Variants in LAMA2 observed in about 807,000 individuals in gnomAD.
LAMA2 encodes laminin subunit alpha 2.
LAMA2 carries 269 observed loss-of-function variants against 364.8 expected under a neutral mutation model. The observed-to-expected ratio is 0.74, with a 90% CI of 0.67 to 0.82. LAMA2 has a LOEUF of 0.82. Ranked by LOEUF, LAMA2 falls within the 40% of genes least tolerant of loss-of-function variation. LAMA2 has a pLI of 0.00. For missense variants in LAMA2, 3,807 were observed against 3,873.2 expected (o/e 0.98, Z 0.45); for synonymous variants, 1,379 against 1,370.6 (o/e 1.01, Z -0.14).
intron 7 of LAMA2, among the ~76,000 whole-genome samples, chr6:129,151,871 G>T (rs942130304): frequency 1.8e-4 from 28 of 152,036 alleles, no homozygotes; most frequent in African/African-American, 6.5e-4. Flanking sequence ...CCATATCACT[G>T]TCTTTCTGAA....
chr6:129,405,102 A>T (rs1232537162), intron 40 of LAMA2, among the ~76,000 whole-genome samples: 1 of 152,124 alleles, frequency 6.6e-6, no homozygotes, highest in African/African-American at 2.4e-5. Flanking sequence ...CTAAATTTTA[A>T]TCCATCTTCT....
chr6:129,239,300 A>G (rs1785233793), intron 12 of LAMA2, among the ~76,000 whole-genome samples: 1 of 152,150 alleles, frequency 6.6e-6, no homozygotes, highest in Non-Finnish European at 1.5e-5. Flanking sequence ...CTAGAACTGT[A>G]CTCTTTTCCA....
intron 12 of LAMA2, among the ~76,000 whole-genome samples, chr6:129,222,971 T>A (rs1261342234): frequency 1.3e-5 from 2 of 152,186 alleles, no homozygotes; most frequent in African/African-American, 4.8e-5. Flanking sequence ...AGTGTAAAAG[T>A]GTTCCTATTT....
rs1778790897 is a variant in LAMA2, at chr6:129,383,137, G to T, written c.4975G>T (p.Ala1659Ser). ...ELLTRATKVT[A>S]DGEQTGQDAE... is the part of the protein sequence containing the mutation. ...GGATCATTAGGCTACCAAAGTGACA[G>T]CAGATGGCGAGCAGACCGGACAGGA... The change falls in exon 35 of 65, where the codon GCA (alanine) becomes TCA (serine). Residue 1659 changes from alanine (A) to serine (S), a missense_variant. By Grantham distance (99) the Ala-to-Ser change is moderately conservative. This residue lies in a region of LAMA2 where 3,333 missense variants were observed against 3,345.7 expected (regional missense o/e 1.00). Coordinates refer to ENST00000421865, the MANE Select transcript of LAMA2 (RefSeq NM_000426.4). 6.2e-7 allele frequency: 1 copy of T among 1,613,582 alleles called. No homozygotes were observed. Among genetic ancestry groups the T allele is most frequent in the Non-Finnish European group, 8.5e-7 (1 of 1,179,820 alleles).
chr6:129,458,498 T>A (rs1783083663), intron 48 of LAMA2, among the ~76,000 whole-genome samples: 1 of 151,882 alleles, frequency 6.6e-6, no homozygotes, highest in Non-Finnish European at 1.5e-5. Flanking sequence ...TCATGAGAAT[T>A]CAAATGAGCA....
At chr6:129,412,131 T>C (rs998916466) in intron 40 of LAMA2, among the ~76,000 whole-genome samples, 1 of 152,158 alleles carries the variant, frequency 6.6e-6, no homozygotes, top group Non-Finnish European at 1.5e-5. Flanking sequence ...TGGAAGTGTA[T>C]ATATACACAG....
At chr6:129,336,675 G>A (rs1465164270) in intron 29 of LAMA2, among the ~76,000 whole-genome samples, 1 of 152,178 alleles carries the variant, frequency 6.6e-6, no homozygotes, top group African/African-American at 2.4e-5. Context: ...TGTTTAAATA[G>A]ATGTTTGATG....
chr6:129,115,179 C>G (rs1009509825), intron 4 of LAMA2, among the ~76,000 whole-genome samples: 5 of 152,056 alleles, frequency 3.3e-5, no homozygotes, highest in African/African-American at 4.8e-5. Flanking sequence ...ATTAATTACT[C>G]AAGCCAGGAA....
Position 129,177,742 on chromosome 6 carries a change from T to A in LAMA2, c.1343T>A (p.Phe448Tyr). 1 of 1,614,010 alleles carries A rather than the reference T, an allele frequency of 6.2e-7. No homozygotes were observed. Reference sequence around the variant, plus strand: ...GGATCCTGTCATTGCAAAACTGGTTTTGGAGGTGTGAGCTGTGATCGGTGT... The same window carrying A: ...GGATCCTGTCATTGCAAAACTGGTTATGGAGGTGTGAGCTGTGATCGGTGT... ...APGSCHCKTG[F>Y]GGVSCDRCAR... Residue 448 changes from phenylalanine (F) to tyrosine (Y), a missense_variant, in exon 10 of 65, where the codon TTT becomes TAT. Phe to Tyr is a conservative substitution (Grantham distance 22). Around this residue, in one of 3 missense-constraint regions of LAMA2, gnomAD observed 3,333 missense variants for 3,345.7 expected, o/e 1.00. Transcript: ENST00000421865.
chr6:129,456,597 G>A (rs1472732833), intron 48 of LAMA2, 103 bp downstream of exon 48: 32 of 1,079,924 alleles, frequency 3.0e-5, no homozygotes, highest in Middle Eastern at 4.4e-4. Flanking sequence ...ACTTGATCAC[G>A]TTTTACTTAA....
intron 1 of LAMA2, among the ~76,000 whole-genome samples, chr6:129,021,357 TAAATTATTCTGATGCTA>T (rs1785439332): frequency 6.6e-6 from 1 of 152,202 alleles, no homozygotes. Context: ...TACAGAAAGG[TAAATTATTCTGATGCTA>T]AAATTAGCCT....
intron 12 of LAMA2, among the ~76,000 whole-genome samples, chr6:129,235,417 CA>C (rs1265839245): frequency 2.0e-5 from 3 of 152,146 alleles, no homozygotes; most frequent in African/African-American, 7.2e-5. Flanking sequence ...TGGTCCCCTA[CA>C]AGAAGTATAC....
intron 40 of LAMA2, among the ~76,000 whole-genome samples, chr6:129,412,684 AT>A (rs1305823334): frequency 2.6e-4 from 39 of 152,376 alleles, no homozygotes; most frequent in African/African-American, 8.4e-4. Flanking sequence ...CATGATGGAC[AT>A]AATTCAAGTT....
At chr6:129,371,648 C>T (rs1438817522) in intron 34 of LAMA2, among the ~76,000 whole-genome samples, 7 of 150,522 alleles carry the variant, frequency 4.7e-5, no homozygotes, top group Admixed American at 6.6e-5. Context: ...GCTCTGTCGC[C>T]GAGGCTGGAG....
intron 34 of LAMA2, among the ~76,000 whole-genome samples, chr6:129,379,685 A>G (rs1312298162): frequency 1.3e-5 from 2 of 152,080 alleles, no homozygotes; most frequent in African/African-American, 4.8e-5. Context: ...GTCCAGTTTG[A>G]ATTACTGTGA....
rs373010536 is a variant in LAMA2 at position 129,308,887 on chromosome 6, C to G, written c.3175-3974C>G. 1.1e-3 allele frequency among the ~76,000 whole-genome samples: 161 copies of G among 152,240 alleles called. 2 individuals are homozygous for G. In the Middle Eastern group the frequency reaches 0.02, roughly 19 times the overall value. On this transcript the variant is annotated intron_variant, in intron 22 of 64. Transcript: ENST00000421865. ...CAGGGATGCCATGCATTTAAACAAC[C>G]AGATCTTGCCGGTAGGAACTCATGG...
intron 28 of LAMA2, among the ~76,000 whole-genome samples, chr6:129,325,273 G>T (rs1775204497): frequency 6.6e-6 from 1 of 152,144 alleles, no homozygotes; most frequent in Non-Finnish European, 1.5e-5. Flanking sequence ...CTTTGGAAAA[G>T]TTTAAATTAG....
intron 1 of LAMA2, among the ~76,000 whole-genome samples, chr6:128,931,217 A>G (rs1779453360): frequency 6.6e-6 from 1 of 152,256 alleles, no homozygotes; most frequent in Non-Finnish European, 1.5e-5. Flanking sequence ...GGATACAGGT[A>G]AAAGTTCTGT....
intron 1 of LAMA2, among the ~76,000 whole-genome samples, chr6:128,913,471 GC>G (rs1462376423): frequency 6.6e-6 from 1 of 152,168 alleles, no homozygotes; most frequent in East Asian, 1.9e-4. Flanking sequence ...ATGAACGTAA[GC>G]TATAACTTTG....
Sources: gnomAD v4.1 joint callset for allele counts (sites outside exome capture counted in the v4.1 genomes callset) on GRCh38, gnomAD v4.1.1 for gene constraint, gnomAD v4.1.1 regional missense constraint, MANE v1.5 for transcripts, NCBI Gene and HGNC (gene_info 2026-07-23, HGNC 2026-07-21) for gene names.